JAKMIP1: variants seen among roughly 807,000 people sequenced by gnomAD.
JAKMIP1 encodes the protein janus kinase and microtubule-interacting protein 1.
JAKMIP1 carries 33 observed loss-of-function variants against 113.0 expected under a neutral mutation model. The ratio of observed to expected loss-of-function variants is 0.29; its 90% CI spans 0.22 to 0.39. The LOEUF (loss-of-function observed/expected upper bound fraction) is 0.39. Ranked by LOEUF, JAKMIP1 falls within the 10% of genes least tolerant of loss-of-function variation. The probability of loss-of-function intolerance (pLI) is 1.00; values close to 1 mark genes in which losing one functional copy is unlikely to be tolerated. For synonymous variants in JAKMIP1, 480 were observed against 459.9 expected (o/e 1.04, Z -0.56); for missense variants, 813 against 1,080.5 (o/e 0.75, Z 3.47).
chr4:6,148,860 G>A (rs1443152092), intron 1 of JAKMIP1, among the ~76,000 whole-genome samples: 1 of 152,200 alleles, frequency 6.6e-6, no homozygotes, highest in East Asian at 1.9e-4. Context: ...ATGGACAGAT[G>A]GACATCCACG....
chr4:6,164,434 A>C (rs921752904), intron 1 of JAKMIP1, among the ~76,000 whole-genome samples: 5 of 151,750 alleles, frequency 3.3e-5, no homozygotes, highest in African/African-American at 1.2e-4. Flanking sequence ...AAGAGCTCTG[A>C]TGGAGATGTA....
At position 6,117,312 on chromosome 4, in the gene JAKMIP1, G is replaced by A. The variant is rs1310783372; in HGVS notation, c.-147-4315C>T. Among the ~76,000 whole-genome samples, 5 of 152,146 alleles carry A rather than the reference G, an allele frequency of 3.3e-5. No homozygotes were observed. In the South Asian group the frequency reaches 1.0e-3, roughly 31 times the overall value. On this transcript the variant is annotated intron_variant, in intron 1 of 20. Transcript: ENST00000409021. ...GAGTACAAAAGAGAGAAATTTTAAA[G>A]CTGGGCGTCCGGGGGAGACATCACT...
chr4:6,126,881 T>C (rs1193897798), intron 1 of JAKMIP1, among the ~76,000 whole-genome samples: 1 of 149,610 alleles, frequency 6.7e-6, no homozygotes, highest in Non-Finnish European at 1.5e-5. Context: ...ATACCACATA[T>C]GCCACATACA....
intron 1 of JAKMIP1, among the ~76,000 whole-genome samples, chr4:6,196,662 C>T (rs964440592): frequency 6.6e-6 from 1 of 152,120 alleles, no homozygotes; most frequent in Non-Finnish European, 1.5e-5. Context: ...AGTTTGAGAC[C>T]AGCCTGGTTA....
chr4:6,182,433 A>G (rs1337977507), intron 1 of JAKMIP1, among the ~76,000 whole-genome samples: 1 of 151,260 alleles, frequency 6.6e-6, no homozygotes, highest in Non-Finnish European at 1.5e-5. Flanking sequence ...AAAAGAAAGA[A>G]AGAAAGAAAG....
intron 1 of JAKMIP1, among the ~76,000 whole-genome samples, chr4:6,177,041 T>A (rs6446470): frequency 0.97 from 147,211 of 151,720 alleles, 71,569 homozygotes; most frequent in East Asian, 1. Flanking sequence ...CTCAAAAAAA[T>A]TTTTTTTAAA....
chr4:6,108,048 G>A lies in JAKMIP1; in HGVS notation c.130-2081C>T, dbSNP rs370345638. ...GGCAGAGGCCTGTGCAGGGCAGCCC[G>A]GGGCGTCTAGGGGCTGCTTCCTGGG... On this transcript the variant is annotated intron_variant, in intron 2 of 20. Transcript: ENST00000409021. The surrounding 1 kb of genome is among the most constrained non-coding windows in gnomAD (Gnocchi z 5.6). 1.3e-5 allele frequency among the ~76,000 whole-genome samples: 2 copies of A among 152,268 alleles called. No homozygotes were observed. Among genetic ancestry groups the A allele is most frequent in the South Asian group, 2.1e-4 (1 of 4,816 alleles).
chr4:6,166,326 G>C (rs1466390139), intron 1 of JAKMIP1, among the ~76,000 whole-genome samples: 2 of 152,212 alleles, frequency 1.3e-5, no homozygotes, highest in Non-Finnish European at 2.9e-5. Flanking sequence ...CCTGCCTGAA[G>C]GGCCCCTGGG....
In JAKMIP1 at chr4:6,199,999, G is replaced by A. The variant is rs1335837338; in HGVS notation, c.-148+254C>T. 6.7e-6 allele frequency among the ~76,000 whole-genome samples: 1 copy of A among 149,890 alleles called. No homozygotes were observed. The highest frequency in any genetic ancestry group is 6.6e-5 in the Admixed American group (1 of 15,114). On this transcript the variant is annotated intron_variant, in intron 1 of 20. Transcript: ENST00000409021. This position sits in a 1 kb window ranked among gnomAD's most constrained non-coding sequence, Gnocchi z 5.6. Reference sequence around the variant, plus strand: ...TGTTGGGGGAAGCGACGCAGCGGCTGGGAGATTTTGCAAGGGGGTCTGAAG... The same window carrying A: ...TGTTGGGGGAAGCGACGCAGCGGCTAGGAGATTTTGCAAGGGGGTCTGAAG...
chr4:6,184,026 CT>C lies in JAKMIP1; in HGVS notation c.-148+16226del, dbSNP rs1392290333. Among the ~76,000 whole-genome samples, 4 of 152,238 alleles carry C rather than the reference CT, an allele frequency of 2.6e-5. No homozygotes were observed. Among genetic ancestry groups the C allele is most frequent in the Non-Finnish European group, 5.9e-5 (4 of 68,036 alleles). On this transcript the variant is annotated intron_variant, in intron 1 of 20. Coordinates refer to ENST00000409021, the MANE Select transcript of JAKMIP1 (RefSeq NM_001099433.2). This position sits in a 1 kb window ranked among gnomAD's most constrained non-coding sequence, Gnocchi z 4.5. ...AATTCATCAGAGCAACCTCACTGTC[CT>C]CACTGACTGACCTTATAACTGGTAA...
chr4:6,056,683 G>T lies in JAKMIP1; in HGVS notation c.1707+14C>A. 1.2e-6 allele frequency: 2 copies of T among 1,608,744 alleles called. No homozygotes were observed. The highest frequency in any genetic ancestry group is 1.7e-6 in the Non-Finnish European group (2 of 1,175,452). ...CCCTGCGGCTGTGTGCTTCCCTGAG[G>T]TGGGGTCACGCACCTTTTCCAGCAA... On this transcript the variant is annotated intron_variant, in intron 12 of 20. Transcript: ENST00000409021.
rs891880220 is a variant in JAKMIP1 at position 6,108,442 on chromosome 4, T to C, written c.130-2475A>G. Among the ~76,000 whole-genome samples, 4 of 152,144 alleles carry C rather than the reference T, an allele frequency of 2.6e-5. No homozygotes were observed. Among genetic ancestry groups the C allele is most frequent in the Non-Finnish European group, 5.9e-5 (4 of 68,024 alleles). The stretch of plus-strand genomic sequence containing the variant: ...GGCACAAAGGCCAAGAGAGGGAGCA[T>C]GCCCTGGGGGTGTGGGGGCTGGCGT... On this transcript the variant is annotated intron_variant, in intron 2 of 20. Transcript: ENST00000409021. The surrounding 1 kb of genome is among the most constrained non-coding windows in gnomAD (Gnocchi z 5.6).
intron 3 of JAKMIP1, 71 bp downstream of exon 3, chr4:6,105,402 T>G: frequency 7.0e-7 from 1 of 1,432,900 alleles, no homozygotes; most frequent in Non-Finnish European, 9.3e-7. Context: ...TCCTCGGAGC[T>G]CCGCATTTCC....
chr4:6,035,657 G>T (rs1713319105), intron 19 of JAKMIP1, among the ~76,000 whole-genome samples: 1 of 152,242 alleles, frequency 6.6e-6, no homozygotes, highest in Admixed American at 6.5e-5. Flanking sequence ...GGCCGAGGGA[G>T]AAGGCACTTT....
Position 6,049,669 on chromosome 4 carries a change from C to T in JAKMIP1, c.1962+150G>A. On this transcript the variant is annotated intron_variant, in intron 15 of 20. Transcript: ENST00000409021. The surrounding 1 kb of genome is among the most constrained non-coding windows in gnomAD (Gnocchi z 7.0). ...ACGAATGCCAACCCCACCACCCACA[C>T]AGGAACACGGCCATACAAAAGCCTT... 1 of 643,052 alleles carries T rather than the reference C, an allele frequency of 1.6e-6. No individual in the cohort carries two copies. 39.8% of individuals were successfully genotyped at this position (643,052 alleles called of 1,614,324 possible). A position where few individuals can be genotyped will look rare whatever the true frequency, so the allele number is the denominator to read the frequency against.
chr4:6,096,578 A>G (rs940080388), intron 3 of JAKMIP1, among the ~76,000 whole-genome samples: 2 of 152,172 alleles, frequency 1.3e-5, no homozygotes, highest in Admixed American at 1.3e-4. Context: ...CCCATTGGAC[A>G]TTGCTTTTAA....
In JAKMIP1 at chr4:6,180,271, A is replaced by G. The variant is rs1257815597; in HGVS notation, c.-148+19982T>C. Among the ~76,000 whole-genome samples, 1 of 152,240 alleles carries G rather than the reference A, an allele frequency of 6.6e-6. No homozygotes were observed. The highest frequency in any genetic ancestry group is 1.5e-5 in the Non-Finnish European group (1 of 68,042). On this transcript the variant is annotated intron_variant, in intron 1 of 20. Transcript: ENST00000409021. The surrounding 1 kb of genome is among the most constrained non-coding windows in gnomAD (Gnocchi z 4.5). The stretch of plus-strand genomic sequence containing the variant: ...AAAATTGCTACTCGTAACATTCAGA[A>G]CCCACAAAAAATTCTCATCAAATAG...
chr4:6,085,663 G>A, intron 3 of JAKMIP1, 34 bp from the exon 4 acceptor site: 4 of 1,595,230 alleles, frequency 2.5e-6, no homozygotes, highest in Non-Finnish European at 3.4e-6. Flanking sequence ...GTCAGCCCTA[G>A]GGGCTCATGA....
intron 1 of JAKMIP1, among the ~76,000 whole-genome samples, chr4:6,118,753 G>A (rs183070291): frequency 5.3e-5 from 8 of 152,254 alleles, no homozygotes; most frequent in Non-Finnish European, 8.8e-5. Context: ...CAGAGCTCTG[G>A]TTGGCCAACA....
Sources: gnomAD v4.1 joint callset for allele counts (sites outside exome capture counted in the v4.1 genomes callset) on GRCh38, gnomAD v4.1.1 for gene constraint, Gnocchi (gnomAD v3.1) non-coding constraint, MANE v1.5 for transcripts, NCBI Gene and HGNC (gene_info 2026-07-23, HGNC 2026-07-21) for gene names.